The following SYTL2 variants were observed in gnomAD, a reference collection of about 807,000 sequenced individuals.
The protein encoded by SYTL2 is synaptotagmin like 2, also known as synaptotagmin-like protein 2.
SYTL2 carries 165 observed loss-of-function variants against 198.7 expected under a neutral mutation model. That is an observed-to-expected ratio of 0.83 (90% confidence interval 0.73 to 0.94). The LOEUF (loss-of-function observed/expected upper bound fraction) is 0.94. SYTL2 is among the 40% of genes least tolerant of loss of function. The pLI is 0.00. For missense variants in SYTL2, 2,835 were observed against 2,582.8 expected (o/e 1.10, Z -2.12); for synonymous variants, 966 against 917.7 (o/e 1.05, Z -0.95).
intron 1 of SYTL2, among the ~76,000 whole-genome samples, chr11:85,808,302 T>G (rs1375112786): frequency 6.6e-6 from 1 of 152,168 alleles, no homozygotes; most frequent in Non-Finnish European, 1.5e-5. Flanking sequence ...CCTGACCTTG[T>G]GATCCACCTG....
chr11:85,744,914 T>C (rs2091046456), intron 4 of SYTL2, among the ~76,000 whole-genome samples: 1 of 152,146 alleles, frequency 6.6e-6, no homozygotes, highest in South Asian at 2.1e-4. Flanking sequence ...AGGCCCACAA[T>C]TGGCTGCATC....
chr11:85,725,817 C>T lies in SYTL2; in HGVS notation c.3541G>A (p.Glu1181Lys). 1 of 1,614,094 alleles carries T rather than the reference C, an allele frequency of 6.2e-7. No homozygotes were observed. Among genetic ancestry groups the T allele is most frequent in the Non-Finnish European group, 8.5e-7 (1 of 1,179,952 alleles). The change falls in exon 8 of 20, where the codon GAG becomes AAG. Residue 1181 changes from glutamate (E) to lysine (K), a missense_variant. Glu to Lys is a moderately conservative substitution (Grantham distance 56). This residue lies in a region of SYTL2 where 2,645 missense variants were observed against 2,381.7 expected (regional missense o/e 1.11). Transcript: ENST00000359152. ...TTCTCAGGTCCTTTGACTTCTTCCTCAGTATCAGCAAAATCTGTTTTTTGA... is the reference window on the plus strand; with the variant it reads ...TTCTCAGGTCCTTTGACTTCTTCCTTAGTATCAGCAAAATCTGTTTTTTGA... ...WPQKTDFADTEEEVKGPEKII... is the reference protein window; with the variant it reads ...WPQKTDFADTKEEVKGPEKII...
At chr11:85,790,066 T>C (rs1424909418) in intron 1 of SYTL2, among the ~76,000 whole-genome samples, 1 of 152,152 alleles carries the variant, frequency 6.6e-6, no homozygotes, top group African/African-American at 2.4e-5. Context: ...CCAGATTCGT[T>C]TGTCTCATAT....
chr11:85,789,400 A>ATATGTAT (rs2092698741), intron 1 of SYTL2, among the ~76,000 whole-genome samples: 1 of 89,358 alleles, frequency 1.1e-5, no homozygotes, highest in Non-Finnish European at 2.1e-5. Context: ...ATATATATAT[A>ATATGTAT]ATTTTTTTTT....
chr11:85,827,294 A>G, the SYTL2 span, among the ~76,000 whole-genome samples: 1 of 152,122 alleles, frequency 6.6e-6, no homozygotes, highest in South Asian at 2.1e-4. Flanking sequence ...GATTCCATGG[A>G]GCAGTTGGGA....
At chr11:85,806,728 A>T (rs1225012280) in intron 1 of SYTL2, among the ~76,000 whole-genome samples, 1 of 152,348 alleles carries the variant, frequency 6.6e-6, no homozygotes, top group African/African-American at 2.4e-5. Flanking sequence ...TATCTCATTC[A>T]TCTGGATGTG....
At chr11:85,735,624 G>C (rs924676104) in intron 6 of SYTL2, among the ~76,000 whole-genome samples, 4 of 152,100 alleles carry the variant, frequency 2.6e-5, no homozygotes, top group Non-Finnish European at 4.4e-5. Context: ...GGGTGTGGTA[G>C]AGCACGCCTG....
intron 1 of SYTL2, among the ~76,000 whole-genome samples, chr11:85,775,846 G>T (rs1457804578): frequency 6.6e-6 from 1 of 152,160 alleles, no homozygotes; most frequent in African/African-American, 2.4e-5. Flanking sequence ...GATCACACAG[G>T]TGTTAAGTGA....
chr11:85,757,076 C>A (rs1055220840), intron 2 of SYTL2, among the ~76,000 whole-genome samples: 1 of 152,154 alleles, frequency 6.6e-6, no homozygotes, highest in Non-Finnish European at 1.5e-5. Context: ...TTCCACCCAA[C>A]AAGAATAGTG....
At chr11:85,768,201 G>A (rs1389181035) in intron 1 of SYTL2, among the ~76,000 whole-genome samples, 4 of 152,168 alleles carry the variant, frequency 2.6e-5, no homozygotes, top group Admixed American at 2.0e-4. Context: ...CTCCTACTGT[G>A]TGCAAGATCT....
At chr11:85,833,418 T>C in the SYTL2 span, among the ~76,000 whole-genome samples, 1 of 148,424 alleles carries the variant, frequency 6.7e-6, no homozygotes, top group South Asian at 2.1e-4. Context: ...ATCATATATA[T>C]GTATATCACA....
the SYTL2 span, among the ~76,000 whole-genome samples, chr11:85,844,189 C>A: frequency 1.3e-5 from 2 of 152,194 alleles, no homozygotes; most frequent in Admixed American, 1.3e-4. Flanking sequence ...CAATTTCTGT[C>A]TCAGTAAATT....
At chr11:85,761,100 G>T (rs978245190) in intron 1 of SYTL2, among the ~76,000 whole-genome samples, 1 of 152,000 alleles carries the variant, frequency 6.6e-6, no homozygotes, top group Non-Finnish European at 1.5e-5. Flanking sequence ...AAGGGAACAA[G>T]ACAGAAAAAC....
the SYTL2 span, among the ~76,000 whole-genome samples, chr11:85,824,251 C>T: frequency 6.6e-6 from 1 of 152,210 alleles, no homozygotes; most frequent in South Asian, 2.1e-4. Flanking sequence ...GAGCATCCAG[C>T]TGACATTAAA....
intron 1 of SYTL2, among the ~76,000 whole-genome samples, chr11:85,796,254 A>C (rs1236912555): frequency 6.6e-6 from 1 of 152,104 alleles, no homozygotes; most frequent in African/African-American, 2.4e-5. Flanking sequence ...ATGGCATCAA[A>C]TTTCTACCTT....
chr11:85,728,805 A>G (rs2089506545), intron 7 of SYTL2, among the ~76,000 whole-genome samples: 1 of 152,188 alleles, frequency 6.6e-6, no homozygotes, highest in African/African-American at 2.4e-5. Flanking sequence ...AAGGAATTTT[A>G]TCCACAATAT....
At chr11:85,762,179 G>A (rs2092112719) in intron 1 of SYTL2, among the ~76,000 whole-genome samples, 1 of 152,210 alleles carries the variant, frequency 6.6e-6, no homozygotes, top group South Asian at 2.1e-4. Context: ...CTCTGCTTAA[G>A]TATAAGAGAC....
At chr11:85,818,657 C>CTATT in the SYTL2 span, among the ~76,000 whole-genome samples, 3,126 of 14,098 alleles carry the variant, frequency 0.22, 42 homozygotes, top group South Asian at 0.42. Flanking sequence ...GTATAAATTA[C>CTATT]TATCTATCTA....
At position 85,726,442 on chromosome 11, in the gene SYTL2, A is replaced by G. The variant is rs773514102; in HGVS notation, c.2916T>C (p.Asn972=). ...MSLKERMDEP[N]AEQVYNPSQF... Reference sequence around the variant, plus strand: ...GAGAGGGATTATAGACCTGTTCTGCATTGGGTTCATCCATTCTTTCTTTTA... The same window carrying G: ...GAGAGGGATTATAGACCTGTTCTGCGTTGGGTTCATCCATTCTTTCTTTTA... Residue 972 remains asparagine (N), a synonymous_variant, in exon 8 of 20, where the codon AAT becomes AAC. Transcript: ENST00000359152. 8.7e-6 allele frequency: 14 copies of G among 1,613,394 alleles called. No homozygotes were observed. Among genetic ancestry groups the G allele is most frequent in the Non-Finnish European group, 1.7e-6 (2 of 1,179,934 alleles).
Sources: gnomAD v4.1 joint callset for allele counts (sites outside exome capture counted in the v4.1 genomes callset) on GRCh38, gnomAD v4.1.1 for gene constraint, gnomAD v4.1.1 regional missense constraint, MANE v1.5 for transcripts, NCBI Gene and HGNC (gene_info 2026-07-23, HGNC 2026-07-21) for gene names.